Variants in CTNNA2 observed in about 807,000 individuals in gnomAD.
The protein encoded by CTNNA2 is catenin alpha 2.
A neutral mutation model predicts 101.0 loss-of-function variants in CTNNA2; 42 were observed. The ratio of observed to expected loss-of-function variants is 0.42; its 90% CI spans 0.32 to 0.54. The LOEUF is 0.54. CTNNA2 is among the 20% of genes least tolerant of loss of function. The pLI, the probability that CTNNA2 is intolerant of heterozygous loss-of-function variation, is 0.14. For missense variants in CTNNA2, 871 were observed against 1,223.1 expected (o/e 0.71, Z 4.29); for synonymous variants, 450 against 456.4 (o/e 0.99, Z 0.18).
intron 18 of CTNNA2, among the ~76,000 whole-genome samples, chr2:80,628,873 G>C (rs1671974475): frequency 6.6e-6 from 1 of 151,966 alleles, no homozygotes; most frequent in Non-Finnish European, 1.5e-5. Context: ...TTAGGCTTGG[G>C]GTGCAGTTCT....
At chr2:79,569,560 G>T (rs1316352668) in intron 1 of CTNNA2, among the ~76,000 whole-genome samples, 2 of 152,040 alleles carry the variant, frequency 1.3e-5, no homozygotes, top group African/African-American at 2.4e-5. Context: ...CTTAATTTTT[G>T]ATTTCCAACT....
rs893764625 is a variant in CTNNA2 at position 79,790,142 on chromosome 2, G to T, written c.298+45560G>T. Among the ~76,000 whole-genome samples, 4 of 152,204 alleles carry T rather than the reference G, an allele frequency of 2.6e-5. No individual in the cohort carries two copies. The East Asian group carries it at 7.7e-4, about 29-fold the overall frequency. Reference sequence around the variant, plus strand: ...AGTAGTAGCTGAAATCGTAATAGTGGATGCAATATCTTACGTAGAATTTGT... The same window carrying T: ...AGTAGTAGCTGAAATCGTAATAGTGTATGCAATATCTTACGTAGAATTTGT... On this transcript the variant is annotated intron_variant, in intron 3 of 18. Transcript: ENST00000402739.
chr2:80,127,840 T>C lies in CTNNA2; in HGVS notation c.1056+218043T>C, dbSNP rs193129047. Among the ~76,000 whole-genome samples the C allele has an allele frequency of 2.0e-5, 3 of 152,274 alleles. No individual in the cohort carries two copies. In the East Asian group the frequency reaches 5.8e-4, roughly 29 times the overall value. ...GTAGGATTTGCAGGGATCATTAGCC[T>C]AAAGAGGGACATTTTTACTTGGAGT... On this transcript the variant is annotated intron_variant, in intron 7 of 18. Transcript: ENST00000402739.
rs1175120142 is a variant in CTNNA2 at position 79,344,813 on chromosome 2, T to TATATATATAATATATA, written c.-317-29005_-317-28990dup. On this transcript the variant is annotated intron_variant, in intron 3 of 21. Coordinates refer to the CTNNA2 transcript ENST00000466387. The stretch of plus-strand genomic sequence containing the variant: ...TCAATTTCTCAGCTATATATATATT[T>TATATATATAATATATA]ATATATATAATATATAATATATATA... Among the ~76,000 whole-genome samples the TATATATATAATATATA allele has an allele frequency of 2.7e-4, 39 of 145,904 alleles. No homozygotes were observed. In the East Asian group the frequency reaches 4.3e-3, roughly 16 times the overall value.
rs181011160 is a variant in CTNNA2 at position 79,588,788 on chromosome 2, G to T, written c.-5-62764G>T. On this transcript the variant is annotated intron_variant, in intron 1 of 18. Coordinates refer to ENST00000402739, the MANE Select transcript of CTNNA2 (RefSeq NM_001282597.3). ...TTGAAGCCTCTTGGTGTAGGCATAG[G>T]GTTAAGATTGACACACAAAATACTG... Among the ~76,000 whole-genome samples the T allele has an allele frequency of 1.7e-3, 266 of 152,156 alleles. 4 individuals carry two copies. The highest frequency in any genetic ancestry group is 0.015 in the Admixed American group (222 of 15,288).
intron 7 of CTNNA2, among the ~76,000 whole-genome samples, chr2:80,160,797 C>G (rs1319337895): frequency 1.3e-5 from 2 of 151,952 alleles, no homozygotes; most frequent in Non-Finnish European, 2.9e-5. Context: ...GGCTAGAACA[C>G]TATGTTGAAT....
intron 1 of CTNNA2, among the ~76,000 whole-genome samples, chr2:79,628,260 TG>T (rs1166165812): frequency 6.6e-6 from 1 of 152,144 alleles, no homozygotes; most frequent in African/African-American, 2.4e-5. Flanking sequence ...CAGACCATCC[TG>T]GCCAATATGA....
At chr2:80,376,921 C>T (rs1032372956) in intron 7 of CTNNA2, among the ~76,000 whole-genome samples, 16 of 152,148 alleles carry the variant, frequency 1.1e-4, no homozygotes, top group Admixed American at 5.2e-4. Context: ...GAGGTGTGTT[C>T]ATTACTGATT....
intron 2 of CTNNA2, among the ~76,000 whole-genome samples, chr2:79,304,336 A>G (rs759914336): frequency 1.3e-5 from 2 of 152,234 alleles, no homozygotes; most frequent in Non-Finnish European, 2.9e-5. Flanking sequence ...GAGAAGGAAC[A>G]AAGAAACTGG....
At chr2:80,144,554 G>A (rs956931721) in intron 7 of CTNNA2, among the ~76,000 whole-genome samples, 1 of 152,116 alleles carries the variant, frequency 6.6e-6, no homozygotes, top group Non-Finnish European at 1.5e-5. Flanking sequence ...CTTAGAGGAC[G>A]GTGTTGAGGG....
intron 1 of CTNNA2, among the ~76,000 whole-genome samples, chr2:79,615,810 G>A (rs530576343): frequency 3.5e-4 from 53 of 152,208 alleles, no homozygotes; most frequent in African/African-American, 1.3e-3. Flanking sequence ...AACCATTTCC[G>A]CAATATGAAG....
At chr2:80,000,414 A>G (rs531140087) in intron 7 of CTNNA2, among the ~76,000 whole-genome samples, 1 of 152,294 alleles carries the variant, frequency 6.6e-6, no homozygotes, top group East Asian at 1.9e-4. Flanking sequence ...ATGATGAAAA[A>G]CAAATAAACA....
At chr2:80,026,841 C>G (rs1268954373) in intron 7 of CTNNA2, among the ~76,000 whole-genome samples, 3 of 152,030 alleles carry the variant, frequency 2.0e-5, no homozygotes, top group Non-Finnish European at 4.4e-5. Flanking sequence ...TATATATAAT[C>G]CCTTAAATTT....
At chr2:79,613,844 G>A (rs907290357) in intron 1 of CTNNA2, among the ~76,000 whole-genome samples, 7 of 152,232 alleles carry the variant, frequency 4.6e-5, no homozygotes, top group African/African-American at 9.6e-5. Flanking sequence ...AGCAATATGC[G>A]TGCGTGGATT....
At chr2:80,241,231 T>TA (rs1553474934) in intron 7 of CTNNA2, among the ~76,000 whole-genome samples, 1 of 151,968 alleles carries the variant, frequency 6.6e-6, no homozygotes, top group Non-Finnish European at 1.5e-5. Flanking sequence ...CTTTTTTTTT[T>TA]AATCAGGAGT....
At chr2:80,099,881 C>T (rs1573076627) in intron 7 of CTNNA2, among the ~76,000 whole-genome samples, 1 of 152,094 alleles carries the variant, frequency 6.6e-6, no homozygotes, top group East Asian at 1.9e-4. Flanking sequence ...TGGGCCCGAC[C>T]CTAGAACTAT....
At chr2:79,256,639 C>T (rs951076994) in intron 2 of CTNNA2, among the ~76,000 whole-genome samples, 1 of 152,182 alleles carries the variant, frequency 6.6e-6, no homozygotes, top group African/African-American at 2.4e-5. Context: ...TTGTATTGAT[C>T]TCATCCACTA....
chr2:80,009,035 G>A (rs1181656109), intron 7 of CTNNA2, among the ~76,000 whole-genome samples: 1 of 152,176 alleles, frequency 6.6e-6, no homozygotes, highest in African/African-American at 2.4e-5. Context: ...ACAAACTATG[G>A]CATTGGAGAA....
At chr2:80,016,233 T>G (rs554093790) in intron 7 of CTNNA2, among the ~76,000 whole-genome samples, 3 of 152,344 alleles carry the variant, frequency 2.0e-5, no homozygotes. Context: ...AACAAGTAAG[T>G]GCTACACGCT....
Sources: gnomAD v4.1 joint callset for allele counts (sites outside exome capture counted in the v4.1 genomes callset) on GRCh38, gnomAD v4.1.1 for gene constraint, MANE v1.5 for transcripts, NCBI Gene and HGNC (gene_info 2026-07-23, HGNC 2026-07-21) for gene names.